PDE4A: variants seen among roughly 807,000 people sequenced by gnomAD.
The protein encoded by PDE4A is 3',5'-cyclic-AMP phosphodiesterase 4A.
In PDE4A, 21 loss-of-function variants were observed where a neutral mutation model predicts 73.9. The observed-to-expected ratio is 0.28, with a 90% CI of 0.20 to 0.41. PDE4A has a LOEUF of 0.41. Among genes scored for constraint, PDE4A ranks in the 10% least tolerant of loss-of-function variants. The pLI is 1.00. For synonymous variants in PDE4A, 463 were observed against 505.4 expected, an observed-to-expected ratio of 0.92 and a Z score of 1.13; for missense variants, 958 against 1,211.4, an observed-to-expected ratio of 0.79 and a Z score of 3.10.
chr19:10,419,128 C>A, upstream of PDE4A: 1 of 955,404 alleles, frequency 1.0e-6, no homozygotes, highest in Non-Finnish European at 1.2e-6. Flanking sequence ...AACGGCATCG[C>A]GTGCCCTGGG....
At chr19:10,433,719 C>T (rs1356759335) in intron 1 of PDE4A, among the ~76,000 whole-genome samples, 5 of 152,226 alleles carry the variant, frequency 3.3e-5, no homozygotes, top group Non-Finnish European at 1.5e-5. Flanking sequence ...TGGCACTACG[C>T]GCCTGCCTGG....
intron 8 of PDE4A, chr19:10,459,021 C>A: frequency 5.1e-6 from 1 of 194,822 alleles, no homozygotes; most frequent in Non-Finnish European, 1.0e-5. Flanking sequence ...GGCTCGTGAA[C>A]AGCTTAGCTA....
At chr19:10,448,645 A>C (rs1443186389) in intron 2 of PDE4A, among the ~76,000 whole-genome samples, 2 of 151,358 alleles carry the variant, frequency 1.3e-5, no homozygotes, top group Non-Finnish European at 3.0e-5. Flanking sequence ...AAAAAAAAAA[A>C]AAACACCCAA....
rs533174146 is a variant in PDE4A at position 10,423,465 on chromosome 19, C to A, written c.320+2381C>A. Among the ~76,000 whole-genome samples, 6 of 152,182 alleles carry A rather than the reference C, an allele frequency of 3.9e-5. 1 individual carries two copies. Among genetic ancestry groups the A allele is most frequent in the African/African-American group, 1.4e-4 (6 of 41,538 alleles). ...CATGAGCCACTGCACCCAGCTAAAC[C>A]TTTTCTCTTTCTCACCCAAACTCAC... is the stretch of plus-strand genomic sequence containing the variant. On this transcript the variant is annotated intron_variant, in intron 1 of 14. Transcript: ENST00000380702.
Position 10,461,820 on chromosome 19 carries a change from C to T in PDE4A, c.1621-57C>T, listed in dbSNP as rs1599456197. On this transcript the variant is annotated intron_variant, in intron 12 of 14. Transcript: ENST00000380702. ...TCTACCTGGTGAAAACTTCAGAGGCCCGGGTCAGTCTGGGGGGCGGGTGTC... is the reference window on the plus strand; with the variant it reads ...TCTACCTGGTGAAAACTTCAGAGGCTCGGGTCAGTCTGGGGGGCGGGTGTC... The T allele has an allele frequency of 3.8e-6, 6 of 1,591,876 alleles. No individual in the cohort carries two copies. In the East Asian group the frequency reaches 1.3e-4, roughly 36 times the overall value.
upstream of PDE4A, chr19:10,419,160 C>G (rs1204846699): frequency 1.1e-6 from 1 of 876,252 alleles, no homozygotes. Context: ...AGGGGGCGCA[C>G]GGGGGCAGGG....
At position 10,467,119 on chromosome 19, in the gene PDE4A, A is replaced by AAATATC. The variant is rs1286794018; in HGVS notation, c.2163_2168dup (p.Ile721_Ser722dup). 8 of 1,614,056 alleles carry AAATATC rather than the reference A, an allele frequency of 5.0e-6. No homozygotes were observed. The highest frequency in any genetic ancestry group is 6.8e-6 in the Non-Finnish European group (8 of 1,180,046). On this transcript the variant is annotated inframe_insertion, in exon 15 of 15. Coordinates refer to ENST00000380702, the MANE Select transcript of PDE4A (RefSeq NM_001111307.2). The stretch of plus-strand genomic sequence containing the variant: ...ACGCTGGAGGAGGAAGAGGAGGAAG[A>AAATATC]AATATCAATGGCCCAGATACCGTGC...
chr19:10,457,689 C>A, intron 7 of PDE4A, 190 bp from the exon 8 acceptor site: 1 of 687,634 alleles, frequency 1.5e-6, no homozygotes, highest in Non-Finnish European at 1.8e-6. Flanking sequence ...CACTCCAGCC[C>A]ACCACCTCCT....
chr19:10,462,275 CTG>C, intron 13 of PDE4A, among the ~76,000 whole-genome samples: 2 of 151,916 alleles, frequency 1.3e-5, no homozygotes. Flanking sequence ...CTGTCTCAGC[CTG>C]CCGAGTAGCT....
intron 5 of PDE4A, 49 bp downstream of exon 5, chr19:10,450,701 G>C (rs774729041): frequency 6.3e-7 from 1 of 1,591,534 alleles, no homozygotes; most frequent in South Asian, 1.1e-5. Flanking sequence ...CTGCCCCAGT[G>C]GGGGTCCCTC....
chr19:10,468,630 C>G lies in PDE4A; in HGVS notation c.*1009C>G, dbSNP rs1161747384. The G allele has an allele frequency of 6.6e-6, 1 of 152,330 alleles. No individual in the cohort carries two copies. Among genetic ancestry groups the G allele is most frequent in the African/African-American group, 2.4e-5 (1 of 41,288 alleles). The allele number at this position is 152,330 out of a possible 1,614,324, so 9.4% of individuals were successfully genotyped here. On this transcript the variant is annotated 3_prime_UTR_variant, in exon 15 of 15. Coordinates refer to ENST00000380702, the MANE Select transcript of PDE4A (RefSeq NM_001111307.2). ...CCCAGAACCCCCATCCTGGCCGCAC[C>G]CCCCTTTCCAGGGTCCTCCGGACCC...
chr19:10,418,145 G>C (rs2042606055), upstream of PDE4A, among the ~76,000 whole-genome samples: 1 of 152,196 alleles, frequency 6.6e-6, no homozygotes, highest in African/African-American at 2.4e-5. Flanking sequence ...CATATTCACA[G>C]AGCTGGGGCA....
chr19:10,431,155 G>A (rs1030843293), intron 1 of PDE4A: 11 of 1,079,912 alleles, frequency 1.0e-5, no homozygotes, highest in Non-Finnish European at 1.4e-5. Context: ...AGGGTCTAGG[G>A]TTCGTGGCTC....
Position 10,450,671 on chromosome 19 carries a change from G to A in PDE4A, c.670+19G>A, listed in dbSNP as rs573387531. The A allele has an allele frequency of 1.2e-6, 2 of 1,602,370 alleles. No individual in the cohort carries two copies. The highest frequency in any genetic ancestry group is 1.7e-6 in the Non-Finnish European group (2 of 1,175,346). ...CTGTCAGGTAGCTAAGCCCAGAGGG[G>A]TGGGAAGGGGCCCCCCTTGCTGCCC... is the stretch of plus-strand genomic sequence containing the variant. On this transcript the variant is annotated intron_variant, in intron 5 of 14. Transcript: ENST00000380702.
chr19:10,433,132 G>T (rs2042816693), intron 1 of PDE4A, among the ~76,000 whole-genome samples: 1 of 152,134 alleles, frequency 6.6e-6, no homozygotes, highest in African/African-American at 2.4e-5. Flanking sequence ...CCTTGTTCTT[G>T]CTTTCCTGCT....
chr19:10,435,611 A>T (rs1358836201), intron 1 of PDE4A, among the ~76,000 whole-genome samples: 2 of 151,876 alleles, frequency 1.3e-5, no homozygotes, highest in African/African-American at 4.8e-5. Flanking sequence ...AACAAAAAAC[A>T]ATGATTAGCC....
At chr19:10,464,744 G>T (rs369100377) in intron 14 of PDE4A, among the ~76,000 whole-genome samples, 3 of 151,300 alleles carry the variant, frequency 2.0e-5, no homozygotes, top group East Asian at 3.9e-4. Context: ...CTGAGACAGG[G>T]TCTCATTGTG....
intron 13 of PDE4A, among the ~76,000 whole-genome samples, chr19:10,462,664 A>G (rs1480803931): frequency 2.0e-5 from 3 of 149,888 alleles, no homozygotes; most frequent in African/African-American, 4.9e-5. Flanking sequence ...TTCCAATCCC[A>G]TCTCTCCTTC....
At chr19:10,451,352 G>A in intron 6 of PDE4A, among the ~76,000 whole-genome samples, 1 of 152,070 alleles carries the variant, frequency 6.6e-6, no homozygotes, top group East Asian at 1.9e-4. Flanking sequence ...TGTGTTGTGG[G>A]GTGGGGTGTG....
Sources: gnomAD v4.1 joint callset for allele counts (sites outside exome capture counted in the v4.1 genomes callset) on GRCh38, gnomAD v4.1.1 for gene constraint, MANE v1.5 for transcripts, NCBI Gene and HGNC (gene_info 2026-07-23, HGNC 2026-07-21) for gene names.